Variants in SEC22A observed in about 807,000 individuals in gnomAD.
SEC22A encodes SEC22 homolog A, vesicle trafficking protein.
Under a neutral mutation model 35.3 loss-of-function variants are expected in SEC22A, and 22 were observed. The observed-to-expected ratio is 0.62, with a 90% CI of 0.45 to 0.89. The LOEUF is 0.89. SEC22A is among the 40% of genes least tolerant of loss of function. The pLI is 0.00. For missense variants in SEC22A, 354 were observed against 362.5 expected (o/e 0.98, Z 0.19); for synonymous variants, 119 against 129.5 (o/e 0.92, Z 0.55).
intron 2 of SEC22A, among the ~76,000 whole-genome samples, chr3:123,222,812 A>G (rs142113155): frequency 6.6e-6 from 1 of 152,320 alleles, no homozygotes; most frequent in Non-Finnish European, 1.5e-5. Flanking sequence ...ATGGAAAGAC[A>G]TTTTAAAACC....
intron 6 of SEC22A, among the ~76,000 whole-genome samples, chr3:123,261,911 C>T (rs1216040503): frequency 3.3e-5 from 5 of 152,104 alleles, no homozygotes; most frequent in African/African-American, 4.8e-5. Flanking sequence ...AGAGTTGCTT[C>T]GTGGTAGAGT....
chr3:123,251,885 T>C (rs1403763264), intron 5 of SEC22A, among the ~76,000 whole-genome samples: 1 of 152,198 alleles, frequency 6.6e-6, no homozygotes, highest in East Asian at 1.9e-4. Flanking sequence ...AGGAGCACTA[T>C]ATAGTGTTAG....
chr3:123,230,963 A>T (rs1254287295), intron 4 of SEC22A, among the ~76,000 whole-genome samples: 7 of 152,154 alleles, frequency 4.6e-5, no homozygotes, highest in Admixed American at 4.6e-4. Flanking sequence ...AATAGATTGA[A>T]AGTCAAAGGA....
rs1937299261 is a variant in SEC22A, at chr3:123,230,355, GAA to G, written c.541+5059_541+5060del. Among the ~76,000 whole-genome samples the G allele has an allele frequency of 2.0e-5, 3 of 152,258 alleles. No homozygotes were observed. In the South Asian group the frequency reaches 6.2e-4, roughly 32 times the overall value. On this transcript the variant is annotated intron_variant, in intron 4 of 6. Transcript: ENST00000492595. ...ATAATTCAAATCAACAGGAACTAATGAAGGAAGCCAGAAAGATAAGATAAATA... is the reference window on the plus strand; with the variant it reads ...ATAATTCAAATCAACAGGAACTAATGGGAAGCCAGAAAGATAAGATAAATA...
intron 2 of SEC22A, among the ~76,000 whole-genome samples, chr3:123,212,825 A>G (rs1936959595): frequency 6.6e-6 from 1 of 152,152 alleles, no homozygotes; most frequent in Admixed American, 6.5e-5. Flanking sequence ...TGCAAACTAG[A>G]TAGTCCATCC....
At chr3:123,237,527 G>A (rs1182848846) in intron 4 of SEC22A, among the ~76,000 whole-genome samples, 1 of 152,170 alleles carries the variant, frequency 6.6e-6, no homozygotes, top group Non-Finnish European at 1.5e-5. Flanking sequence ...TGGTGGCACT[G>A]ATCTCTGTAA....
At chr3:123,236,456 G>C (rs1293301896) in intron 4 of SEC22A, among the ~76,000 whole-genome samples, 1 of 152,156 alleles carries the variant, frequency 6.6e-6, no homozygotes, top group Non-Finnish European at 1.5e-5. Context: ...GAGGATGGAG[G>C]CCCAGAGAGA....
In SEC22A at chr3:123,209,391, T is replaced by C. The variant is rs1447165707; in HGVS notation, c.174T>C (p.Tyr58=). 3 of 1,606,622 alleles carry C rather than the reference T, an allele frequency of 1.9e-6. No individual in the cohort carries two copies. Among genetic ancestry groups the C allele is most frequent in the African/African-American group, 2.7e-5 (2 of 74,800 alleles). Residue 58 remains tyrosine, a synonymous_variant, in exon 2 of 7, where the codon TAT becomes TAC. Coordinates refer to ENST00000492595, the MANE Select transcript of SEC22A (RefSeq NM_012430.5). ...GATGTACACTGAAAACTGGACATTA[T>C]AACATTAAGTAAGACTTCAGTTTGC... The part of the protein sequence containing the change: ...PDRCTLKTGH[Y]NINFISSLGV...
chr3:123,227,666 TC>T (rs1937237515), intron 4 of SEC22A, among the ~76,000 whole-genome samples: 1 of 152,316 alleles, frequency 6.6e-6, no homozygotes, highest in East Asian at 1.9e-4. Flanking sequence ...AACACATTTA[TC>T]ATTGTATATT....
chr3:123,253,246 G>T (rs1389985401), intron 5 of SEC22A, among the ~76,000 whole-genome samples: 3 of 152,148 alleles, frequency 2.0e-5, no homozygotes, highest in Admixed American at 1.3e-4. Flanking sequence ...TCTGCAAGAT[G>T]AAGATTTTAG....
chr3:123,244,405 C>G (rs927602491), intron 4 of SEC22A, among the ~76,000 whole-genome samples: 1 of 152,048 alleles, frequency 6.6e-6, no homozygotes, highest in Non-Finnish European at 1.5e-5. Flanking sequence ...TTTTTAAAGG[C>G]TTTTATGCCT....
chr3:123,257,761 C>T (rs1937769349), intron 5 of SEC22A, among the ~76,000 whole-genome samples: 1 of 151,992 alleles, frequency 6.6e-6, no homozygotes, highest in Admixed American at 6.5e-5. Flanking sequence ...GAGGCCGAGG[C>T]GGGCAGATCA....
intron 4 of SEC22A, among the ~76,000 whole-genome samples, chr3:123,244,442 T>G (rs1427346240): frequency 1.3e-5 from 2 of 152,228 alleles, no homozygotes; most frequent in Non-Finnish European, 2.9e-5. Context: ...ATTAGATAGA[T>G]TTTTAAATCG....
At chr3:123,213,829 G>A (rs1936979422) in intron 2 of SEC22A, among the ~76,000 whole-genome samples, 1 of 151,916 alleles carries the variant, frequency 6.6e-6, no homozygotes, top group Admixed American at 6.6e-5. Context: ...AATTCTAGTT[G>A]AATAGGCAAG....
At chr3:123,223,505 T>C in intron 2 of SEC22A, 54 bp from the exon 3 acceptor site, 1 of 1,396,074 alleles carries the variant, frequency 7.2e-7, no homozygotes, top group Admixed American at 1.7e-5. Context: ...TGTGAAGCAG[T>C]GAATTACCTT....
At chr3:123,253,656 G>A (rs978921612) in intron 5 of SEC22A, among the ~76,000 whole-genome samples, 6 of 148,152 alleles carry the variant, frequency 4.0e-5, no homozygotes, top group African/African-American at 1.5e-4. Context: ...AGGTTGTAGT[G>A]AGCCGAAGAT....
chr3:123,258,399 G>GA lies in SEC22A; in HGVS notation c.658-1116dup, dbSNP rs1011337953. Among the ~76,000 whole-genome samples, 123 of 148,898 alleles carry GA rather than the reference G, an allele frequency of 8.3e-4. 1 individual carries two copies. The highest frequency in any genetic ancestry group is 2.1e-3 in the African/African-American group (85 of 40,630). On this transcript the variant is annotated intron_variant, in intron 5 of 6. Transcript: ENST00000492595. ...CAATGAACATGAACTTTTATAATCA[G>GA]AAAAAAAAAGGTCATTTAAAAAGTA...
At chr3:123,236,692 T>A (rs1937424899) in intron 4 of SEC22A, among the ~76,000 whole-genome samples, 1 of 152,184 alleles carries the variant, frequency 6.6e-6, no homozygotes, top group African/African-American at 2.4e-5. Context: ...AAGAAGATAG[T>A]GTCATAAGCT....
At chr3:123,237,910 A>T (rs1366174153) in intron 4 of SEC22A, among the ~76,000 whole-genome samples, 1 of 152,076 alleles carries the variant, frequency 6.6e-6, no homozygotes. Context: ...CCAGCACTTG[A>T]GGAGGCCAGG....
Sources: allele counts gnomAD v4.1 joint callset (sites outside exome capture counted in the v4.1 genomes callset), GRCh38; gene constraint gnomAD v4.1.1; transcripts MANE v1.5; gene names NCBI Gene and HGNC (gene_info 2026-07-23, HGNC 2026-07-21).